Variants in CCDC171 observed in about 807,000 individuals in gnomAD.
CCDC171 encodes the protein coiled-coil domain containing 171.
In CCDC171, 177 loss-of-function variants were observed where a neutral mutation model predicts 168.2. That is an observed-to-expected ratio of 1.05 (90% CI 0.93 to 1.19). CCDC171 has a LOEUF of 1.19. Among genes scored for constraint, CCDC171 ranks in the 50% most tolerant of loss-of-function variants. The pLI is 0.00. For missense variants in CCDC171, 1,991 were observed against 1,539.0 expected (o/e 1.29, Z -4.91); for synonymous variants, 687 against 540.8 (o/e 1.27, Z -3.75).
intron 3 of CCDC171, among the ~76,000 whole-genome samples, chr9:15,578,409 ATTATTATTAT>A: frequency 1.2e-4 from 1 of 8,450 alleles, no homozygotes; most frequent in Non-Finnish European, 2.1e-4. Flanking sequence ...TAATTTTTGT[ATTATTATTAT>A]TATTATTATT....
intron 5 of CCDC171, among the ~76,000 whole-genome samples, chr9:15,593,773 G>A (rs1205697296): frequency 6.6e-6 from 1 of 151,798 alleles, no homozygotes; most frequent in African/African-American, 2.4e-5. Flanking sequence ...GGTATATACA[G>A]CCTGTTGCTT....
At chr9:15,790,622 C>T (rs200341668) in intron 21 of CCDC171, among the ~76,000 whole-genome samples, 14 of 152,150 alleles carry the variant, frequency 9.2e-5, no homozygotes, top group South Asian at 4.2e-4. Context: ...TTGTCAATTT[C>T]GGCTTTTGTT....
In CCDC171 at chr9:15,591,537, G is replaced by A; in HGVS notation, c.524G>A (p.Arg175Lys). ...GATTTACTTATGAAAGAAAAAAGCA[G>A]ACTAGAGAAAACTCTACAGGTAAAA... ...EYDLLMKEKS[R>K]LEKTLQEALE... The change falls in exon 5 of 26, where the codon AGA becomes AAA. Residue 175 changes from arginine (R) to lysine (K), a missense_variant. By Grantham distance (26) the Arg-to-Lys change is conservative (BLOSUM62 2). Transcript: ENST00000380701. 6.4e-7 allele frequency: 1 copy of A among 1,572,692 alleles called. No individual in the cohort carries two copies.
intron 18 of CCDC171, among the ~76,000 whole-genome samples, chr9:15,758,880 A>G (rs2056289379): frequency 6.6e-6 from 1 of 152,102 alleles, no homozygotes; most frequent in South Asian, 2.1e-4. Context: ...CATGATTGTG[A>G]GGCTTCCCCA....
At chr9:15,698,122 C>A (rs1163445596) in intron 11 of CCDC171, among the ~76,000 whole-genome samples, 1 of 152,050 alleles carries the variant, frequency 6.6e-6, no homozygotes, top group Non-Finnish European at 1.5e-5. Context: ...TATGTTTATA[C>A]CCATTAATCT....
chr9:15,637,865 A>G (rs1415135352), intron 7 of CCDC171, among the ~76,000 whole-genome samples: 1 of 151,838 alleles, frequency 6.6e-6, no homozygotes, highest in Non-Finnish European at 1.5e-5. Context: ...AATCCAGTCT[A>G]TCCTTGTTGG....
At chr9:15,721,735 T>G (rs560687507) in intron 11 of CCDC171, 34 bp from the exon 12 acceptor site, 1 of 1,265,258 alleles carries the variant, frequency 7.9e-7, no homozygotes, top group Non-Finnish European at 1.1e-6. Flanking sequence ...TTTGTGACTT[T>G]AAGGGTATAT....
intron 18 of CCDC171, among the ~76,000 whole-genome samples, chr9:15,748,512 A>C (rs977382644): frequency 6.6e-6 from 1 of 152,142 alleles, no homozygotes; most frequent in Non-Finnish European, 1.5e-5. Context: ...ACCCCAAGAC[A>C]CATAATCGAT....
intron 20 of CCDC171, among the ~76,000 whole-genome samples, chr9:15,780,510 G>A (rs1042123264): frequency 9.9e-5 from 15 of 151,670 alleles, no homozygotes; most frequent in Admixed American, 7.9e-4. Context: ...TAGTGAGACC[G>A]CATCTCTAAA....
the CCDC171 span, among the ~76,000 whole-genome samples, chr9:16,076,079 T>G: frequency 4.6e-5 from 7 of 152,162 alleles, no homozygotes; most frequent in Non-Finnish European, 7.3e-5. Context: ...GATGAGTGGG[T>G]GTAGAGGAGG....
In CCDC171 at chr9:15,936,038, G is replaced by C. The variant is rs1364459825; in HGVS notation, c.3753+15616G>C. ...TTGAAAGTCATCAACATAGTTACTTGATAAGATGTGACTGTCACATTCTAG... is the reference window on the plus strand; with the variant it reads ...TTGAAAGTCATCAACATAGTTACTTCATAAGATGTGACTGTCACATTCTAG... On this transcript the variant is annotated intron_variant, in intron 25 of 25. Coordinates refer to ENST00000380701, the MANE Select transcript of CCDC171 (RefSeq NM_173550.4). 2.0e-5 allele frequency among the ~76,000 whole-genome samples: 3 copies of C among 152,162 alleles called. No individual in the cohort carries two copies. In the East Asian group the frequency reaches 5.8e-4, roughly 30 times the overall value.
In CCDC171 at chr9:15,645,438, C is replaced by G. The variant is rs746392845; in HGVS notation, c.823-11689C>G. On this transcript the variant is annotated intron_variant, in intron 7 of 25. Transcript: ENST00000380701. The stretch of plus-strand genomic sequence containing the variant: ...GAAGGCTTTAGATGATCGGTAATAA[C>G]AAACTGCTCTGAGCTAAAGGAGGAT... Among the ~76,000 whole-genome samples, 33 of 152,274 alleles carry G rather than the reference C, an allele frequency of 2.2e-4. No individual in the cohort carries two copies. The Middle Eastern group carries it at 0.01, about 47-fold the overall frequency.
At chr9:16,089,539 T>C in the CCDC171 span, among the ~76,000 whole-genome samples, 1 of 151,794 alleles carries the variant, frequency 6.6e-6, no homozygotes, top group Non-Finnish European at 1.5e-5. Context: ...TAATCTATCT[T>C]GTGTTAATTT....
At chr9:15,688,869 AAAAG>A (rs1483413747) in intron 10 of CCDC171, among the ~76,000 whole-genome samples, 2 of 152,202 alleles carry the variant, frequency 1.3e-5, no homozygotes, top group Non-Finnish European at 2.9e-5. Context: ...TTAGGCAAGA[AAAAG>A]AAATAAAAGG....
chr9:15,698,045 C>T (rs1024637114), intron 11 of CCDC171, among the ~76,000 whole-genome samples: 25 of 136,158 alleles, frequency 1.8e-4, no homozygotes, highest in East Asian at 4.0e-4. Context: ...AAATATAAAA[C>T]GTATTGTTGT....
At chr9:15,880,097 G>A (rs1352551380) in intron 24 of CCDC171, among the ~76,000 whole-genome samples, 1 of 152,120 alleles carries the variant, frequency 6.6e-6, no homozygotes, top group Non-Finnish European at 1.5e-5. Context: ...CTAAGTTTTA[G>A]TCTAAGAGAT....
chr9:16,054,295 A>G (rs1833798386), intron 1 of CCDC171, among the ~76,000 whole-genome samples: 1 of 152,140 alleles, frequency 6.6e-6, no homozygotes, highest in Non-Finnish European at 1.5e-5. Flanking sequence ...CATAATAAAT[A>G]ATTGCTACAT....
chr9:15,639,991 C>T (rs2046475347), intron 7 of CCDC171, among the ~76,000 whole-genome samples: 2 of 152,092 alleles, frequency 1.3e-5, no homozygotes, highest in Non-Finnish European at 2.9e-5. Context: ...TCGTTTTGGC[C>T]TTTGGGCCAA....
chr9:15,589,929 T>G (rs1193444710), intron 4 of CCDC171, among the ~76,000 whole-genome samples: 1 of 152,054 alleles, frequency 6.6e-6, no homozygotes, highest in Non-Finnish European at 1.5e-5. Flanking sequence ...TCAATGAAAA[T>G]AACTCAAGAT....
Sources: gnomAD v4.1 joint callset for allele counts (sites outside exome capture counted in the v4.1 genomes callset) on GRCh38, gnomAD v4.1.1 for gene constraint, MANE v1.5 for transcripts, NCBI Gene and HGNC (gene_info 2026-07-23, HGNC 2026-07-21) for gene names.